The following NXN variants were observed in gnomAD, a reference collection of about 807,000 sequenced individuals.
The protein encoded by NXN is nucleoredoxin, also known as nucleoredoxin 1.
Under a neutral mutation model 48.6 loss-of-function variants are expected in NXN, and 16 were observed. The ratio of observed to expected loss-of-function variants is 0.33; its 90% CI spans 0.22 to 0.50. The LOEUF (loss-of-function observed/expected upper bound fraction) is 0.50, where lower values mean the gene tolerates loss of function less well. NXN is among the 20% of genes least tolerant of loss of function. The probability of loss-of-function intolerance (pLI) is 0.98; values close to 1 mark genes in which losing one functional copy is unlikely to be tolerated. For synonymous variants in NXN, 281 were observed against 269.6 expected (o/e 1.04, Z -0.41); for missense variants, 492 against 605.5 (o/e 0.81, Z 1.97).
At chr17:845,903 A>C (rs1212752061) in intron 1 of NXN, among the ~76,000 whole-genome samples, 1 of 151,974 alleles carries the variant, frequency 6.6e-6, no homozygotes, top group African/African-American at 2.4e-5. Flanking sequence ...TCTCTACTAA[A>C]AATACAAAAA....
intron 1 of NXN, among the ~76,000 whole-genome samples, chr17:881,253 A>C (rs1220951968): frequency 2.0e-5 from 3 of 152,148 alleles, no homozygotes; most frequent in Non-Finnish European, 4.4e-5. Flanking sequence ...TGGTGCAAAC[A>C]CTTTGTTGTT....
In NXN at chr17:956,620, A is replaced by G. The variant is rs900422524; in HGVS notation, c.360+22699T>C. On this transcript the variant is annotated intron_variant, in intron 1 of 7. Coordinates refer to ENST00000336868, the MANE Select transcript of NXN (RefSeq NM_022463.5). This position sits in a 1 kb window ranked among gnomAD's most constrained non-coding sequence, Gnocchi z 4.1. Reference sequence around the variant, plus strand: ...AGTAGCAATGGGGTTTCACCGTGTTAGCCAGGATGGTCTCGATCTCCAGAC... The same window carrying G: ...AGTAGCAATGGGGTTTCACCGTGTTGGCCAGGATGGTCTCGATCTCCAGAC... 5.3e-5 allele frequency among the ~76,000 whole-genome samples: 8 copies of G among 152,044 alleles called. No homozygotes were observed. The highest frequency in any genetic ancestry group is 4.6e-4 in the Admixed American group (7 of 15,258).
At chr17:925,889 T>C (rs1351204265) in intron 1 of NXN, among the ~76,000 whole-genome samples, 1 of 152,240 alleles carries the variant, frequency 6.6e-6, no homozygotes, top group Admixed American at 6.5e-5. Flanking sequence ...CATTCCAGTC[T>C]TTAGTTTATC....
intron 1 of NXN, among the ~76,000 whole-genome samples, chr17:858,940 G>C (rs1396746680): frequency 6.6e-6 from 1 of 152,100 alleles, no homozygotes; most frequent in Non-Finnish European, 1.5e-5. Context: ...GCAGGCAGGG[G>C]CCAATTTTCT....
intron 1 of NXN, among the ~76,000 whole-genome samples, chr17:867,669 T>C (rs1319170636): frequency 2.0e-5 from 3 of 152,300 alleles, no homozygotes; most frequent in African/African-American, 7.2e-5. Flanking sequence ...CTCTTCCCTG[T>C]AATCCCAGCA....
intron 7 of NXN, 52 bp downstream of exon 7, chr17:803,630 C>G (rs1911323241): frequency 1.9e-6 from 3 of 1,611,918 alleles, no homozygotes; most frequent in South Asian, 2.2e-5. Flanking sequence ...CAGTCCTGTG[C>G]CAGAAGTCCC....
At chr17:809,620 G>C (rs1911793432) in intron 5 of NXN, among the ~76,000 whole-genome samples, 1 of 152,188 alleles carries the variant, frequency 6.6e-6, no homozygotes, top group Non-Finnish European at 1.5e-5. Flanking sequence ...AAAGATTGCT[G>C]GGAGCTGGGA....
chr17:861,323 G>A (rs1025925795), intron 1 of NXN, among the ~76,000 whole-genome samples: 1 of 151,922 alleles, frequency 6.6e-6, no homozygotes, highest in Non-Finnish European at 1.5e-5. Flanking sequence ...TAGTAGAGAC[G>A]GGGTTTCACC....
At position 836,293 on chromosome 17, in the gene NXN, C is replaced by T. The variant is rs564007442; in HGVS notation, c.361-10215G>A. 2.0e-5 allele frequency among the ~76,000 whole-genome samples: 3 copies of T among 152,314 alleles called. No homozygotes were observed. In the East Asian group the frequency reaches 5.8e-4, roughly 29 times the overall value. On this transcript the variant is annotated intron_variant, in intron 1 of 7. Coordinates refer to ENST00000336868, the MANE Select transcript of NXN (RefSeq NM_022463.5). ...GAGCCTCAGCTTTTCTTTCCAACAG[C>T]TGCTGCAAATCTGTGGGATCAAGGC...
rs751878800 is a variant in NXN, at chr17:979,696, C to G, written c.-18G>C. ...CCCGACATCCTGGCCCACCGCAGGG[C>G]GGGCAGGCGGCTGCGACCCCGCTCC... On this transcript the variant is annotated 5_prime_UTR_variant, in exon 1 of 8. Coordinates refer to ENST00000336868, the MANE Select transcript of NXN (RefSeq NM_022463.5). 2 of 1,397,334 alleles carry G rather than the reference C, an allele frequency of 1.4e-6. No individual in the cohort carries two copies. The highest frequency in any genetic ancestry group is 1.9e-6 in the Non-Finnish European group (2 of 1,073,600). 86.6% of individuals were successfully genotyped at this position (1,397,334 alleles called of 1,614,324 possible).
rs1912859774 is a variant in NXN, at chr17:822,294, A to AC, written c.713+62_713+63insG. ...GACTCTGTCTCAGAAAAAAAAGAAA[A>AC]GAAAAAAAATGGATGTCAGCTACCT... On this transcript the variant is annotated intron_variant, in intron 4 of 7. Coordinates refer to ENST00000336868, the MANE Select transcript of NXN (RefSeq NM_022463.5). 3.2e-6 allele frequency: 4 copies of AC among 1,230,812 alleles called. No homozygotes were observed. In the African/African-American group the frequency reaches 6.0e-5, roughly 19 times the overall value. The allele number at this position is 1,230,812 out of a possible 1,614,324, so 76.2% of individuals were successfully genotyped here. A position where few individuals can be genotyped will look rare whatever the true frequency, so the allele number is the denominator to read the frequency against.
Position 920,068 on chromosome 17 carries a change from G to A in NXN, c.360+59251C>T, listed in dbSNP as rs1044058624. Among the ~76,000 whole-genome samples, 1 of 152,052 alleles carries A rather than the reference G, an allele frequency of 6.6e-6. No homozygotes were observed. The highest frequency in any genetic ancestry group is 6.6e-5 in the Admixed American group (1 of 15,254). ...CTTCGAGCCACCACGCGGTGCAAATGTTTGTATTTTTGGTGGAGACAAGGT... is the reference window on the plus strand; with the variant it reads ...CTTCGAGCCACCACGCGGTGCAAATATTTGTATTTTTGGTGGAGACAAGGT... On this transcript the variant is annotated intron_variant, in intron 1 of 7. Coordinates refer to ENST00000336868, the MANE Select transcript of NXN (RefSeq NM_022463.5). This position sits in a 1 kb window ranked among gnomAD's most constrained non-coding sequence, Gnocchi z 4.6.
chr17:869,768 C>T (rs2068131976), intron 1 of NXN, among the ~76,000 whole-genome samples: 1 of 152,350 alleles, frequency 6.6e-6, no homozygotes, highest in Non-Finnish European at 1.5e-5. Flanking sequence ...ACTTCCTCTG[C>T]TCGTTCGTGT....
At chr17:947,553 T>C (rs2069057442) in intron 1 of NXN, among the ~76,000 whole-genome samples, 1 of 151,312 alleles carries the variant, frequency 6.6e-6, no homozygotes, top group Non-Finnish European at 1.5e-5. Context: ...GCCAACAAGG[T>C]GAAACCCCAT....
intron 1 of NXN, chr17:896,769 A>G (rs1430391221): frequency 2.4e-6 from 2 of 846,956 alleles, no homozygotes; most frequent in African/African-American, 3.7e-5. Context: ...CTTCTCCTCG[A>G]CTTCAAAGCT....
At chr17:812,851 CAT>C (rs1491411583) in intron 5 of NXN, among the ~76,000 whole-genome samples, 1 of 127,094 alleles carries the variant, frequency 7.9e-6, no homozygotes, top group Non-Finnish European at 1.6e-5. Flanking sequence ...TAGGTGTGTG[CAT>C]GTGTGTAGGT....
rs534115480 is a variant in NXN at position 836,484 on chromosome 17, T to C, written c.361-10406A>G. Among the ~76,000 whole-genome samples, 54 of 152,270 alleles carry C rather than the reference T, an allele frequency of 3.5e-4. 1 individual carries two copies. Among genetic ancestry groups the C allele is most frequent in the South Asian group, 1.7e-3 (8 of 4,824 alleles). On this transcript the variant is annotated intron_variant, in intron 1 of 7. Coordinates refer to ENST00000336868, the MANE Select transcript of NXN (RefSeq NM_022463.5). ...CAGAGCCCTAAATGTGCTCTCACCC[T>C]TTCTAACCCCAAATGACCAAACACC...
intron 1 of NXN, among the ~76,000 whole-genome samples, chr17:913,837 C>A (rs550786052): frequency 6.6e-6 from 1 of 152,332 alleles, no homozygotes; most frequent in East Asian, 1.9e-4. Context: ...TACTTAAGTG[C>A]AAGGACATTC....
chr17:967,780 G>C (rs1481726228), intron 1 of NXN, among the ~76,000 whole-genome samples: 1 of 152,092 alleles, frequency 6.6e-6, no homozygotes, highest in East Asian at 1.9e-4. Flanking sequence ...GACCATCCTG[G>C]CTAATATGGT....
Sources: allele counts gnomAD v4.1 joint callset (sites outside exome capture counted in the v4.1 genomes callset), GRCh38; gene constraint gnomAD v4.1.1; non-coding constraint Gnocchi (gnomAD v3.1); transcripts MANE v1.5; gene names NCBI Gene and HGNC (gene_info 2026-07-23, HGNC 2026-07-21).